The following ERO1B variants were observed in gnomAD, a reference collection of about 807,000 sequenced individuals.
ERO1B encodes endoplasmic reticulum oxidoreductase 1 beta.
ERO1B carries 49 observed loss-of-function variants against 75.3 expected under a neutral mutation model. That is an observed-to-expected ratio of 0.65 (90% CI 0.52 to 0.83). The LOEUF (loss-of-function observed/expected upper bound fraction) is 0.83, where lower values mean the gene tolerates loss of function less well. Ranked by LOEUF, ERO1B falls within the 40% of genes least tolerant of loss-of-function variation. The pLI, the probability that ERO1B is intolerant of heterozygous loss-of-function variation, is 0.00. For synonymous variants in ERO1B, 191 were observed against 192.9 expected, an observed-to-expected ratio of 0.99 and a Z score of 0.08; for missense variants, 512 against 560.1, an observed-to-expected ratio of 0.91 and a Z score of 0.87.
intron 5 of ERO1B, among the ~76,000 whole-genome samples, chr1:236,244,907 C>T (rs1664803223): frequency 6.6e-6 from 1 of 152,034 alleles, no homozygotes; most frequent in Admixed American, 6.6e-5. Context: ...AAGATAGTGT[C>T]CCAAGGTTAA....
At chr1:236,236,106 T>A (rs1664536476) in intron 7 of ERO1B, among the ~76,000 whole-genome samples, 172 bp downstream of exon 7, 1 of 152,166 alleles carries the variant, frequency 6.6e-6, no homozygotes, top group Non-Finnish European at 1.5e-5. Flanking sequence ...TTTGTATTTT[T>A]AGTTGACACG....
Position 236,236,260 on chromosome 1 carries a change from C to A in ERO1B, c.626+18G>T. The A allele has an allele frequency of 6.2e-7, 1 of 1,613,380 alleles. No homozygotes were observed. The highest frequency in any genetic ancestry group is 1.1e-5 in the South Asian group (1 of 91,044). On this transcript the variant is annotated intron_variant, in intron 7 of 15. Coordinates refer to ENST00000354619, the MANE Select transcript of ERO1B (RefSeq NM_019891.4). ...CCCTCTATCAGTCGTTCCTTCTTCC[C>A]CCACCCCCTCCAGTTACTTGAAACA...
At chr1:236,279,087 G>T (rs1665766830) in intron 1 of ERO1B, among the ~76,000 whole-genome samples, 1 of 152,118 alleles carries the variant, frequency 6.6e-6, no homozygotes, top group Non-Finnish European at 1.5e-5. Flanking sequence ...TCCACATTAG[G>T]GCTCCACTGT....
intron 4 of ERO1B, among the ~76,000 whole-genome samples, chr1:236,250,428 C>T (rs920470403): frequency 4.6e-5 from 7 of 151,694 alleles, no homozygotes; most frequent in Non-Finnish European, 5.9e-5. Context: ...GCTGAGATCA[C>T]GCCACTGCAC....
chr1:236,249,885 C>G lies in ERO1B; in HGVS notation c.431G>C (p.Ser144Thr). ...TTAATATTACCAAAATAAAACTTGC[C>G]TTAATGTGCTGTTAATTGCTCCCAG... ...NKLGAINSTLSNQSKEAFIDW... is the reference protein window; with the variant it reads ...NKLGAINSTLTNQSKEAFIDW... Residue 144 changes from serine (S) to threonine (T), a missense_variant and splice_region_variant, in exon 5 of 16, where the codon AGT becomes ACT. Ser to Thr is a moderately conservative substitution (Grantham distance 58). Coordinates refer to ENST00000354619, the MANE Select transcript of ERO1B (RefSeq NM_019891.4). 1 of 1,574,536 alleles carries G rather than the reference C, an allele frequency of 6.4e-7. No homozygotes were observed. Among genetic ancestry groups the G allele is most frequent in the Non-Finnish European group, 8.6e-7 (1 of 1,162,636 alleles).
At chr1:236,276,451 T>C (rs1473421109) in intron 1 of ERO1B, among the ~76,000 whole-genome samples, 5 of 152,200 alleles carry the variant, frequency 3.3e-5, no homozygotes, top group Non-Finnish European at 7.3e-5. Flanking sequence ...TAAGACAGAC[T>C]GGTCCACTAG....
chr1:236,258,635 C>T (rs571847715), intron 2 of ERO1B, among the ~76,000 whole-genome samples: 82 of 152,056 alleles, frequency 5.4e-4, no homozygotes, highest in Non-Finnish European at 9.1e-4. Context: ...ACCTGTAATC[C>T]CAACAACTTG....
At chr1:236,268,350 G>A (rs1665501610) in intron 2 of ERO1B, among the ~76,000 whole-genome samples, 1 of 152,088 alleles carries the variant, frequency 6.6e-6, no homozygotes, top group African/African-American at 2.4e-5. Context: ...TGAGGCAGAA[G>A]AATCGCTTGA....
intron 10 of ERO1B, among the ~76,000 whole-genome samples, chr1:236,228,907 C>G (rs754290495): frequency 2.0e-5 from 3 of 152,124 alleles, no homozygotes; most frequent in Non-Finnish European, 4.4e-5. Context: ...ACATAGAATC[C>G]AATATTGTTT....
intron 6 of ERO1B, among the ~76,000 whole-genome samples, chr1:236,239,821 ATG>A (rs1217469279): frequency 3.2e-5 from 4 of 125,578 alleles, no homozygotes; most frequent in East Asian, 9.4e-4. Flanking sequence ...GTATATATAT[ATG>A]TGTATATATA....
intron 3 of ERO1B, 124 bp from the exon 4 acceptor site, chr1:236,252,215 ACACT>A (rs1665046926): frequency 3.1e-6 from 2 of 645,334 alleles, no homozygotes; most frequent in African/African-American, 3.7e-5. Context: ...GGGCAAATAT[ACACT>A]CACTCAAATT....
Position 236,281,834 on chromosome 1 carries a change from C to T in ERO1B, c.-51G>A. On this transcript the variant is annotated 5_prime_UTR_variant, in exon 1 of 16. Coordinates refer to ENST00000354619, the MANE Select transcript of ERO1B (RefSeq NM_019891.4). ...AGCCGGACCCCTCGGGGCCGGGGAA[C>T]GACGGGCGGCCCAGGCGACGACCCA... 7.6e-7 allele frequency: 1 copy of T among 1,311,348 alleles called. No homozygotes were observed. Among genetic ancestry groups the T allele is most frequent in the South Asian group, 1.8e-5 (1 of 56,768 alleles). The allele number at this position is 1,311,348 out of a possible 1,614,324, so 81.2% of individuals were successfully genotyped here.
chr1:236,243,531 A>G (rs1448946277), intron 5 of ERO1B, 36 bp from the exon 6 acceptor site: 1 of 1,435,040 alleles, frequency 7.0e-7, no homozygotes, highest in Admixed American at 1.9e-5. Context: ...AAAATTATTA[A>G]ATTTGGAGCT....
chr1:236,250,036 A>T, intron 4 of ERO1B, 69 bp from the exon 5 acceptor site: 4 of 1,016,564 alleles, frequency 3.9e-6, no homozygotes, highest in Non-Finnish European at 5.8e-6. Context: ...TATTGGCAGA[A>T]TAATCAATCT....
intron 5 of ERO1B, among the ~76,000 whole-genome samples, chr1:236,248,132 T>G (rs61833553): frequency 0.036 from 5,472 of 152,304 alleles, 143 homozygotes; most frequent in Non-Finnish European, 0.05. Flanking sequence ...GGATTCCTAG[T>G]ACCCTAGAAC....
intron 15 of ERO1B, chr1:236,220,158 ATTTTT>A (rs759604689): frequency 7.1e-6 from 1 of 141,758 alleles, no homozygotes; most frequent in Admixed American, 7.1e-5. Flanking sequence ...TTAGTCCCCT[ATTTTT>A]TTTTTTTTAA....
intron 6 of ERO1B, among the ~76,000 whole-genome samples, chr1:236,240,927 T>C (rs1664682505): frequency 6.6e-6 from 1 of 152,144 alleles, no homozygotes; most frequent in South Asian, 2.1e-4. Context: ...CAGGCTTTTC[T>C]GATAAAGTGA....
At chr1:236,228,949 GTC>G (rs1388842456) in intron 10 of ERO1B, among the ~76,000 whole-genome samples, 1 of 152,152 alleles carries the variant, frequency 6.6e-6, no homozygotes, top group Non-Finnish European at 1.5e-5. Context: ...AACACTCAGA[GTC>G]TCTGACTACC....
intron 1 of ERO1B, chr1:236,281,335 C>A (rs1242512156): frequency 1.1e-5 from 2 of 185,504 alleles, no homozygotes; most frequent in Non-Finnish European, 2.2e-5. Flanking sequence ...TCGCTCCCTT[C>A]GCAAGACAGC....
Sources: allele counts gnomAD v4.1 joint callset (sites outside exome capture counted in the v4.1 genomes callset), GRCh38; gene constraint gnomAD v4.1.1; transcripts MANE v1.5; gene names NCBI Gene and HGNC (gene_info 2026-07-23, HGNC 2026-07-21).